NRG3: variants seen among roughly 807,000 people sequenced by gnomAD.
NRG3 encodes neuregulin 3.
Under a neutral mutation model 66.9 loss-of-function variants are expected in NRG3, and 31 were observed. The observed-to-expected ratio is 0.46, with a 90% CI of 0.35 to 0.63. NRG3 has a LOEUF of 0.63. Ranked by LOEUF, NRG3 falls within the 20% of genes least tolerant of loss-of-function variation. The probability of loss-of-function intolerance (pLI) is 0.00; values close to 1 mark genes in which losing one functional copy is unlikely to be tolerated. For synonymous variants in NRG3, 393 were observed against 359.4 expected, an observed-to-expected ratio of 1.09 and a Z score of -1.06; for missense variants, 910 against 878.9, an observed-to-expected ratio of 1.04 and a Z score of -0.45.
intron 8 of NRG3, among the ~76,000 whole-genome samples, chr10:82,982,455 A>G (rs1853027932): frequency 6.6e-6 from 1 of 152,152 alleles, no homozygotes; most frequent in Non-Finnish European, 1.5e-5. Flanking sequence ...TTGGCCCTCA[A>G]GAGATACAGA....
intron 2 of NRG3, among the ~76,000 whole-genome samples, chr10:82,515,285 C>T (rs911053763): frequency 1.1e-4 from 17 of 152,118 alleles, no homozygotes; most frequent in Non-Finnish European, 5.9e-5. Context: ...AATAAACACC[C>T]AAGGAACCTT....
At chr10:82,377,801 G>A (rs945296991) in intron 2 of NRG3, among the ~76,000 whole-genome samples, 1 of 152,170 alleles carries the variant, frequency 6.6e-6, no homozygotes, top group African/African-American at 2.4e-5. Context: ...AGGGTGTGTC[G>A]TATAATCCTG....
chr10:81,882,509 A>G (rs1022038826), intron 1 of NRG3, among the ~76,000 whole-genome samples: 2 of 152,168 alleles, frequency 1.3e-5, no homozygotes, highest in Admixed American at 6.6e-5. Flanking sequence ...TAGCTGTGCA[A>G]CCTTTAGGAA....
intron 2 of NRG3, among the ~76,000 whole-genome samples, chr10:82,664,531 C>G (rs1052358784): frequency 7.2e-5 from 11 of 152,096 alleles, no homozygotes; most frequent in Non-Finnish European, 1.5e-4. Flanking sequence ...CCCAAGCCCA[C>G]TAGGCACAAG....
intron 2 of NRG3, among the ~76,000 whole-genome samples, chr10:82,511,351 C>A (rs558340642): frequency 6.6e-6 from 1 of 152,256 alleles, no homozygotes; most frequent in South Asian, 2.1e-4. Flanking sequence ...CAAGTTTATC[C>A]CAGCTTATCA....
At chr10:82,158,406 T>A (rs1029917332) in intron 1 of NRG3, among the ~76,000 whole-genome samples, 3 of 151,706 alleles carry the variant, frequency 2.0e-5, no homozygotes, top group Non-Finnish European at 4.4e-5. Context: ...TCACGGTGTA[T>A]GTGCTCCTGT....
chr10:82,656,875 T>C (rs112330729), intron 2 of NRG3, among the ~76,000 whole-genome samples: 3 of 152,304 alleles, frequency 2.0e-5, no homozygotes, highest in African/African-American at 7.2e-5. Flanking sequence ...CAGGTCATGA[T>C]GTAGGGTCTC....
intron 2 of NRG3, among the ~76,000 whole-genome samples, chr10:82,637,102 G>A (rs376479508): frequency 5.3e-5 from 8 of 152,156 alleles, no homozygotes; most frequent in East Asian, 1.9e-4. Flanking sequence ...TATGTGAGAC[G>A]ATTTGTTTCA....
At chr10:82,643,129 A>G (rs1293375703) in intron 2 of NRG3, among the ~76,000 whole-genome samples, 8 of 152,112 alleles carry the variant, frequency 5.3e-5, no homozygotes, top group Admixed American at 4.6e-4. Context: ...CTTTGAAGAC[A>G]TGTGATATGG....
At chr10:82,804,325 C>T (rs900298803) in intron 3 of NRG3, among the ~76,000 whole-genome samples, 32 of 152,258 alleles carry the variant, frequency 2.1e-4, no homozygotes, top group African/African-American at 7.5e-4. Flanking sequence ...GAAATTCATG[C>T]TAATTTTGCT....
rs552153395 is a variant in NRG3, at chr10:82,187,623, G to T, written c.824-171116G>T. 6.6e-5 allele frequency among the ~76,000 whole-genome samples: 10 copies of T among 152,234 alleles called. No individual in the cohort carries two copies. The South Asian group carries it at 1.2e-3, about 19-fold the overall frequency. On this transcript the variant is annotated intron_variant, in intron 1 of 8. Coordinates refer to ENST00000372141, the MANE Select transcript of NRG3 (RefSeq NM_001010848.4). ...TGATTTTTTTTGCGGGGAAGAGGTT[G>T]AGAGAGGCTTCCTGGTTTGCTCCTT...
At chr10:82,096,594 G>A (rs1402771526) in intron 1 of NRG3, among the ~76,000 whole-genome samples, 1 of 152,076 alleles carries the variant, frequency 6.6e-6, no homozygotes, top group African/African-American at 2.4e-5. Flanking sequence ...CAAAGAGAGT[G>A]AGAAACTTGA....
Position 82,271,057 on chromosome 10 carries a change from G to C in NRG3, c.824-87682G>C, listed in dbSNP as rs144915981. On this transcript the variant is annotated intron_variant, in intron 1 of 8. Transcript: ENST00000372141. ...AAATAAGCCTTTACCACCTTAGTTC[G>C]AGAAAGCAATATTTGGAACAGGGAA... 3.7e-3 allele frequency among the ~76,000 whole-genome samples: 565 copies of C among 152,106 alleles called. 1 individual carries two copies. Among genetic ancestry groups the C allele is most frequent in the Non-Finnish European group, 5.7e-3 (388 of 67,944 alleles).
chr10:81,965,333 T>C (rs889921681), intron 1 of NRG3, among the ~76,000 whole-genome samples: 18 of 152,368 alleles, frequency 1.2e-4, no homozygotes, highest in African/African-American at 4.1e-4. Flanking sequence ...CTTAGACAAA[T>C]TCTTATCAGA....
intron 1 of NRG3, among the ~76,000 whole-genome samples, chr10:82,269,039 A>G (rs2078453713): frequency 6.6e-6 from 1 of 152,046 alleles, no homozygotes; most frequent in Non-Finnish European, 1.5e-5. Context: ...ATGCACTTTC[A>G]CTGCAATCCT....
At chr10:82,433,378 T>C (rs992941849) in intron 2 of NRG3, among the ~76,000 whole-genome samples, 5 of 152,168 alleles carry the variant, frequency 3.3e-5, no homozygotes, top group African/African-American at 1.2e-4. Flanking sequence ...CTTTCTCAGA[T>C]GGGTAGATTG....
intron 3 of NRG3, among the ~76,000 whole-genome samples, chr10:82,864,312 G>GTA (rs1279395630): frequency 2.0e-5 from 3 of 151,988 alleles, no homozygotes; most frequent in South Asian, 2.1e-4. Context: ...TTTATACTAT[G>GTA]TATATATATA....
intron 2 of NRG3, among the ~76,000 whole-genome samples, chr10:82,737,713 C>T (rs1170867240): frequency 6.6e-6 from 1 of 152,222 alleles, no homozygotes; most frequent in African/African-American, 2.4e-5. Flanking sequence ...TCTGGGGCCT[C>T]GCCGTATTTG....
chr10:82,870,209 G>A (rs1841205483), intron 4 of NRG3, among the ~76,000 whole-genome samples: 1 of 151,722 alleles, frequency 6.6e-6, no homozygotes, highest in Non-Finnish European at 1.5e-5. Flanking sequence ...AACTTTTCTA[G>A]ACTGTCATAT....
Sources: allele counts gnomAD v4.1 joint callset (sites outside exome capture counted in the v4.1 genomes callset), GRCh38; gene constraint gnomAD v4.1.1; transcripts MANE v1.5; gene names NCBI Gene and HGNC (gene_info 2026-07-23, HGNC 2026-07-21).